The following CD38 variants were observed in gnomAD, a reference collection of about 807,000 sequenced individuals.
CD38 encodes the protein ADP-ribosyl cyclase/cyclic ADP-ribose hydrolase 1.
CD38 carries 31 observed loss-of-function variants against 36.3 expected under a neutral mutation model. That is an observed-to-expected ratio of 0.85 (90% CI 0.64 to 1.15). CD38 has a LOEUF of 1.15. Ranked by LOEUF, CD38 falls within the 50% of genes most tolerant of loss-of-function variation. CD38 has a pLI of 0.00. For synonymous variants in CD38, 131 were observed against 135.2 expected, an observed-to-expected ratio of 0.97 and a Z score of 0.22; for missense variants, 380 against 371.9, an observed-to-expected ratio of 1.02 and a Z score of -0.18.
At chr4:15,788,269 C>T (rs1258417071) in intron 1 of CD38, among the ~76,000 whole-genome samples, 1 of 152,146 alleles carries the variant, frequency 6.6e-6, no homozygotes, top group Admixed American at 6.5e-5. Context: ...CAGAATCTTC[C>T]ACCCAGTGCA....
At chr4:15,798,869 A>G (rs1723156089) in intron 1 of CD38, among the ~76,000 whole-genome samples, 1 of 152,030 alleles carries the variant, frequency 6.6e-6, no homozygotes, top group African/African-American at 2.4e-5. Context: ...TGAAAAGCCT[A>G]TTTCTGTCTT....
chr4:15,821,221 C>T (rs1472575589), intron 2 of CD38, among the ~76,000 whole-genome samples: 5 of 151,976 alleles, frequency 3.3e-5, no homozygotes, highest in Non-Finnish European at 5.9e-5. Context: ...GCACTAAATG[C>T]CCACATCAAA....
At chr4:15,828,793 C>T (rs1188031092) in intron 3 of CD38, among the ~76,000 whole-genome samples, 1 of 152,168 alleles carries the variant, frequency 6.6e-6, no homozygotes, top group Non-Finnish European at 1.5e-5. Context: ...GAGCAGGTAT[C>T]TCTTTGACAA....
At position 15,778,622 on chromosome 4, in the gene CD38, T is replaced by C; in HGVS notation, c.208T>C (p.Tyr70His). Residue 70 changes from tyrosine to histidine, a missense_variant, in exon 1 of 8, where the codon TAC becomes CAC. By Grantham distance (83) the Tyr-to-His change is moderately conservative. Transcript: ENST00000226279. The surrounding 1 kb of genome is among the most constrained non-coding windows in gnomAD (Gnocchi z 4.9). ...GACCGTCCTGGCGCGATGCGTCAAG[T>C]ACACTGAAATTCATCCTGAGATGAG... The part of the protein sequence containing the change: ...PETVLARCVK[Y>H]TEIHPEMRHV... 6.2e-7 allele frequency: 1 copy of C among 1,613,052 alleles called. No individual in the cohort carries two copies. The highest frequency in any genetic ancestry group is 8.5e-7 in the Non-Finnish European group (1 of 1,179,388).
At chr4:15,804,121 A>T (rs544312460) in intron 1 of CD38, among the ~76,000 whole-genome samples, 1 of 152,296 alleles carries the variant, frequency 6.6e-6, no homozygotes, top group Non-Finnish European at 1.5e-5. Flanking sequence ...TGAACATATA[A>T]GTGCATGTCT....
intron 7 of CD38, 149 bp from the exon 8 acceptor site, chr4:15,848,390 G>A (rs1021192089): frequency 3.1e-5 from 16 of 523,472 alleles, no homozygotes; most frequent in South Asian, 2.1e-4. Flanking sequence ...CTCCCCTCCC[G>A]ACATGTCACT....
In CD38 at chr4:15,838,029, T is replaced by C. The variant is rs563505242; in HGVS notation, c.586-63T>C. 3.3e-5 allele frequency: 44 copies of C among 1,327,286 alleles called. No individual in the cohort carries two copies. In the Middle Eastern group the frequency reaches 3.1e-3, roughly 93 times the overall value. The allele number at this position is 1,327,286 out of a possible 1,614,324, so 82.2% of individuals were successfully genotyped here. A position where few individuals can be genotyped will look rare whatever the true frequency, so the allele number is the denominator to read the frequency against. On this transcript the variant is annotated intron_variant, in intron 4 of 7. Coordinates refer to ENST00000226279, the MANE Select transcript of CD38 (RefSeq NM_001775.4). ...AGCTATTGCTAAGTATTGTTTTGAA[T>C]GAAACTGCTGGAGGATGGTGATTAA...
chr4:15,807,322 A>G (rs1319461384), intron 1 of CD38, among the ~76,000 whole-genome samples: 1 of 152,222 alleles, frequency 6.6e-6, no homozygotes, highest in Non-Finnish European at 1.5e-5. Context: ...TGAAGCTGTA[A>G]TAAGTAAAGA....
rs1351417397 is a variant in CD38 at position 15,778,804 on chromosome 4, G to C, written c.233+157G>C. On this transcript the variant is annotated intron_variant, in intron 1 of 7. Coordinates refer to ENST00000226279, the MANE Select transcript of CD38 (RefSeq NM_001775.4). This position sits in a 1 kb window ranked among gnomAD's most constrained non-coding sequence, Gnocchi z 4.9. The stretch of plus-strand genomic sequence containing the variant: ...CTGAGTAGGGAGTCCCGGGCTCGGG[G>C]CTCCGCGGGCCGCTTTCAGGAGCAG... Among the ~76,000 whole-genome samples the C allele has an allele frequency of 1.3e-5, 2 of 152,026 alleles. No homozygotes were observed. The highest frequency in any genetic ancestry group is 2.4e-5 in the African/African-American group (1 of 41,412).
chr4:15,790,411 C>A (rs1270963566), intron 1 of CD38, among the ~76,000 whole-genome samples: 2 of 152,012 alleles, frequency 1.3e-5, no homozygotes, highest in African/African-American at 4.8e-5. Context: ...CTCCTGACCG[C>A]GAGTGATCCG....
chr4:15,797,783 CTGTTTG>C (rs970811241), intron 1 of CD38, among the ~76,000 whole-genome samples: 17 of 152,242 alleles, frequency 1.1e-4, no homozygotes, highest in African/African-American at 4.1e-4. Flanking sequence ...TGTCTTCTCT[CTGTTTG>C]TGTTTGTGTT....
At chr4:15,815,121 T>G (rs1723563937) in intron 1 of CD38, among the ~76,000 whole-genome samples, 1 of 152,128 alleles carries the variant, frequency 6.6e-6, no homozygotes, top group Non-Finnish European at 1.5e-5. Context: ...TCCGTTCTCT[T>G]TCATTGGTCT....
intron 1 of CD38, among the ~76,000 whole-genome samples, chr4:15,807,495 C>T (rs1723367673): frequency 6.6e-6 from 1 of 152,182 alleles, no homozygotes; most frequent in Non-Finnish European, 1.5e-5. Flanking sequence ...TGATTATGCT[C>T]AGCTGAAGGA....
At chr4:15,831,752 G>A (rs943386772) in intron 3 of CD38, among the ~76,000 whole-genome samples, 1 of 152,042 alleles carries the variant, frequency 6.6e-6, no homozygotes, top group African/African-American at 2.4e-5. Context: ...ATTATCAAAT[G>A]CTTTGGGGCA....
At chr4:15,781,938 C>T (rs1038117813) in intron 1 of CD38, among the ~76,000 whole-genome samples, 2 of 152,196 alleles carry the variant, frequency 1.3e-5, no homozygotes, top group African/African-American at 4.8e-5. Context: ...TGACTGGGAT[C>T]AGCTGAGTGG....
chr4:15,823,941 G>T (rs186975511), intron 2 of CD38, among the ~76,000 whole-genome samples: 15 of 152,280 alleles, frequency 9.9e-5, no homozygotes, highest in Admixed American at 9.2e-4. Context: ...AGAAAATGTG[G>T]TACGTATACA....
At chr4:15,790,435 C>A (rs1385016541) in intron 1 of CD38, among the ~76,000 whole-genome samples, 1 of 152,016 alleles carries the variant, frequency 6.6e-6, no homozygotes, top group African/African-American at 2.4e-5. Flanking sequence ...GCCTCGGCCT[C>A]CCGAGGTGCC....
At chr4:15,841,313 G>C (rs980881483) in intron 7 of CD38, among the ~76,000 whole-genome samples, 2 of 152,190 alleles carry the variant, frequency 1.3e-5, no homozygotes, top group African/African-American at 4.8e-5. Flanking sequence ...TGAGATGCTA[G>C]AATATTGTTC....
chr4:15,786,477 G>GT (rs1264573492), intron 1 of CD38, among the ~76,000 whole-genome samples: 1 of 152,188 alleles, frequency 6.6e-6, no homozygotes, highest in Admixed American at 6.5e-5. Flanking sequence ...GATTCTCTAA[G>GT]TCCCTAGTAG....
Sources: allele counts gnomAD v4.1 joint callset (sites outside exome capture counted in the v4.1 genomes callset), GRCh38; gene constraint gnomAD v4.1.1; non-coding constraint Gnocchi (gnomAD v3.1); transcripts MANE v1.5; gene names NCBI Gene and HGNC (gene_info 2026-07-23, HGNC 2026-07-21).